Variants in TMEM178B observed in about 807,000 individuals in gnomAD.
TMEM178B encodes transmembrane protein 178B.
In TMEM178B, 5 loss-of-function variants were observed where a neutral mutation model predicts 31.0. That is an observed-to-expected ratio of 0.16 (90% CI 0.08 to 0.34). The LOEUF is 0.34. Ranked by LOEUF, TMEM178B falls within the 10% of genes least tolerant of loss-of-function variation. The pLI is 1.00. For missense variants in TMEM178B, 275 were observed against 400.3 expected, an observed-to-expected ratio of 0.69 and a Z score of 2.67; for synonymous variants, 164 against 164.0, an observed-to-expected ratio of 1.00 and a Z score of 0.00.
At chr7:141,274,161 C>G (rs1177904833) in intron 2 of TMEM178B, among the ~76,000 whole-genome samples, 1 of 152,230 alleles carries the variant, frequency 6.6e-6, no homozygotes, top group Non-Finnish European at 1.5e-5. Context: ...CCCCGCCTTA[C>G]TTTTTCTTCC....
At chr7:141,386,633 A>G (rs1334090930) in intron 2 of TMEM178B, among the ~76,000 whole-genome samples, 1 of 152,176 alleles carries the variant, frequency 6.6e-6, no homozygotes, top group African/African-American at 2.4e-5. Context: ...TCGGGTTTTA[A>G]ACATTCTAGG....
At chr7:141,353,315 A>G (rs1038669346) in intron 2 of TMEM178B, among the ~76,000 whole-genome samples, 7 of 152,190 alleles carry the variant, frequency 4.6e-5, no homozygotes, top group African/African-American at 1.7e-4. Flanking sequence ...CTAAAGGTTC[A>G]CAGCTAAGGA....
At chr7:141,084,906 T>C (rs1794753210) in intron 1 of TMEM178B, among the ~76,000 whole-genome samples, 1 of 151,782 alleles carries the variant, frequency 6.6e-6, no homozygotes, top group Non-Finnish European at 1.5e-5. Flanking sequence ...TGAGACCGAG[T>C]CTTACTCTAT....
At chr7:141,435,457 A>G (rs1052180777) in intron 2 of TMEM178B, among the ~76,000 whole-genome samples, 1 of 152,158 alleles carries the variant, frequency 6.6e-6, no homozygotes, top group African/African-American at 2.4e-5. Flanking sequence ...TCACATGTCA[A>G]GTGGGGACCA....
intron 2 of TMEM178B, among the ~76,000 whole-genome samples, chr7:141,392,660 T>TGGAA: frequency 6.6e-6 from 1 of 152,242 alleles, no homozygotes; most frequent in South Asian, 2.1e-4. Context: ...GGGTTTCTTT[T>TGGAA]TCCAAACCGG....
intron 2 of TMEM178B, among the ~76,000 whole-genome samples, chr7:141,360,392 T>C (rs1340852971): frequency 6.6e-6 from 1 of 152,216 alleles, no homozygotes; most frequent in African/African-American, 2.4e-5. Flanking sequence ...TATTCTCTTA[T>C]TGCAGCTAAT....
At chr7:141,229,451 C>G (rs560933267) in intron 2 of TMEM178B, among the ~76,000 whole-genome samples, 1 of 152,212 alleles carries the variant, frequency 6.6e-6, no homozygotes, top group East Asian at 1.9e-4. Flanking sequence ...GCAGGGGAAA[C>G]ATCCTTTTCT....
At chr7:141,481,507 G>A (rs1000171647), downstream of TMEM178B, among the ~76,000 whole-genome samples, 2 of 152,182 alleles carry the variant, frequency 1.3e-5, no homozygotes, top group African/African-American at 4.8e-5. Flanking sequence ...AGTGATTAGT[G>A]TCGTGGCTAG....
At chr7:141,502,482 A>G in the TMEM178B span, among the ~76,000 whole-genome samples, 1 of 152,214 alleles carries the variant, frequency 6.6e-6, no homozygotes, top group Non-Finnish European at 1.5e-5. Context: ...CATATAAGAA[A>G]TACAGCTGGC....
intron 1 of TMEM178B, among the ~76,000 whole-genome samples, chr7:141,191,201 G>T (rs1426020772): frequency 6.6e-6 from 1 of 152,142 alleles, no homozygotes; most frequent in East Asian, 1.9e-4. Context: ...AAAGCGTCTT[G>T]TCTATTTTTA....
intron 2 of TMEM178B, among the ~76,000 whole-genome samples, chr7:141,363,551 G>A (rs538473393): frequency 2.6e-5 from 4 of 152,296 alleles, no homozygotes; most frequent in South Asian, 4.2e-4. Flanking sequence ...GCAATTCTCT[G>A]ATTCTAACTG....
intron 1 of TMEM178B, among the ~76,000 whole-genome samples, chr7:141,105,439 G>A (rs554082178): frequency 3.7e-4 from 56 of 152,248 alleles, no homozygotes; most frequent in Admixed American, 1.8e-3. Flanking sequence ...CCCAGGAGAC[G>A]GAGGTTGCAG....
intron 2 of TMEM178B, among the ~76,000 whole-genome samples, chr7:141,328,829 C>G (rs1799243925): frequency 6.6e-6 from 1 of 152,170 alleles, no homozygotes; most frequent in Admixed American, 6.5e-5. Context: ...GCTTTGAAAA[C>G]AGCTAGTATA....
chr7:141,365,648 G>A (rs115145613), intron 2 of TMEM178B, among the ~76,000 whole-genome samples: 1 of 152,308 alleles, frequency 6.6e-6, no homozygotes, highest in African/African-American at 2.4e-5. Flanking sequence ...TCCAATCTCT[G>A]CCTTTCTTCC....
chr7:141,185,807 A>G (rs1023981151), intron 1 of TMEM178B, among the ~76,000 whole-genome samples: 1 of 151,926 alleles, frequency 6.6e-6, no homozygotes, highest in Middle Eastern at 3.2e-3. Context: ...TCTACCCAGC[A>G]CTTCCCTTCC....
chr7:141,507,380 CTT>C, the TMEM178B span, among the ~76,000 whole-genome samples: 431 of 149,066 alleles, frequency 2.9e-3, 5 homozygotes, highest in African/African-American at 0.01. Flanking sequence ...AACCTCAACT[CTT>C]TTTTTTTTAG....
chr7:141,290,013 T>C (rs192284895), intron 2 of TMEM178B, among the ~76,000 whole-genome samples: 12 of 152,148 alleles, frequency 7.9e-5, no homozygotes, highest in Non-Finnish European at 8.8e-5. Flanking sequence ...GAAGAAGAAA[T>C]GGAACAAGGC....
chr7:141,254,429 T>A (rs1355931084), intron 2 of TMEM178B, among the ~76,000 whole-genome samples: 2 of 152,190 alleles, frequency 1.3e-5, no homozygotes, highest in African/African-American at 4.8e-5. Context: ...AAAGCTTGTT[T>A]ACTGCTGGCC....
intron 2 of TMEM178B, chr7:141,296,973 T>C (rs917060842): frequency 1.3e-5 from 2 of 152,232 alleles, no homozygotes; most frequent in East Asian, 3.9e-4. Flanking sequence ...AAGCCTACAA[T>C]GGTGGTTCTT....
Sources: allele counts gnomAD v4.1 joint callset (sites outside exome capture counted in the v4.1 genomes callset), GRCh38; gene constraint gnomAD v4.1.1; transcripts MANE v1.5; gene names NCBI Gene and HGNC (gene_info 2026-07-23, HGNC 2026-07-21).